The following IL13RA1 variants were observed in gnomAD, a reference collection of about 807,000 sequenced individuals.
The protein encoded by IL13RA1 is interleukin 13 receptor subunit alpha 1.
In IL13RA1, 14 loss-of-function variants were observed where a neutral mutation model predicts 33.8. That is an observed-to-expected ratio of 0.41 (90% confidence interval 0.27 to 0.65). IL13RA1 has a LOEUF of 0.65. IL13RA1 is among the 30% of genes least tolerant of loss of function. IL13RA1 has a pLI of 0.28. For synonymous variants in IL13RA1, 116 were observed against 115.7 expected, an observed-to-expected ratio of 1.00 and a Z score of -0.02; for missense variants, 313 against 327.0, an observed-to-expected ratio of 0.96 and a Z score of 0.33.
At chrX:118,796,451 C>T (rs774422705), downstream of IL13RA1, among the ~76,000 whole-genome samples, 2 of 112,790 alleles carry the variant, frequency 1.8e-5, no homozygotes, top group East Asian at 2.8e-4. Context: ...CATCTTATTT[C>T]GCATTTTGCC....
chrX:118,768,183 G>A (rs771050365), intron 8 of IL13RA1, among the ~76,000 whole-genome samples: 5 of 112,307 alleles, frequency 4.5e-5, no homozygotes, highest in South Asian at 7.5e-4. Flanking sequence ...ACAGGTTGTC[G>A]AGGTAGCCAA....
intron 1 of IL13RA1, among the ~76,000 whole-genome samples, chrX:118,732,842 G>A (rs1156963265): frequency 9.0e-6 from 1 of 111,711 alleles, no homozygotes; most frequent in Non-Finnish European, 1.9e-5. Flanking sequence ...CTTTGCTATT[G>A]TGAGTAGTGC....
chrX:118,754,006 A>G (rs1426242717), intron 4 of IL13RA1, among the ~76,000 whole-genome samples: 2 of 112,601 alleles, frequency 1.8e-5, no homozygotes, highest in African/African-American at 3.2e-5. Flanking sequence ...TTCACAAGTG[A>G]TGAGTGGCTC....
intron 2 of IL13RA1, among the ~76,000 whole-genome samples, chrX:118,746,040 C>CA (rs1326840408): frequency 4.5e-5 from 5 of 111,752 alleles, no homozygotes; most frequent in Non-Finnish European, 9.4e-5. Flanking sequence ...TCAAAATAGT[C>CA]AAACAGTAGA....
At chrX:118,766,157 G>A (rs2017646004) in intron 6 of IL13RA1, among the ~76,000 whole-genome samples, 1 of 111,620 alleles carries the variant, frequency 9.0e-6, no homozygotes, top group African/African-American at 3.3e-5. Context: ...GGTTAATATG[G>A]GAGGTTTTTT....
chrX:118,768,920 T>C (rs986717282), intron 8 of IL13RA1, among the ~76,000 whole-genome samples: 4 of 112,211 alleles, frequency 3.6e-5, no homozygotes, highest in Non-Finnish European at 7.5e-5. Flanking sequence ...TGTAAGCCAT[T>C]CAGTTTGTGG....
intron 2 of IL13RA1, among the ~76,000 whole-genome samples, chrX:118,741,700 T>C (rs1180679366): frequency 8.9e-6 from 1 of 112,134 alleles, no homozygotes; most frequent in Non-Finnish European, 1.9e-5. Context: ...TATAAGTGAA[T>C]TTTTGTTAAT....
chrX:118,800,618 A>G, the IL13RA1 span, among the ~76,000 whole-genome samples: 1 of 110,386 alleles, frequency 9.1e-6, no homozygotes, highest in Non-Finnish European at 1.9e-5. Flanking sequence ...CCGCGGCTTC[A>G]TTCTTGAAGT....
chrX:118,769,637 T>C (rs1224026980), intron 8 of IL13RA1, among the ~76,000 whole-genome samples: 1 of 113,018 alleles, frequency 8.8e-6, no homozygotes, highest in African/African-American at 3.2e-5. Flanking sequence ...ACATATTTAA[T>C]ATAGCATCTT....
intron 10 of IL13RA1, among the ~76,000 whole-genome samples, chrX:118,785,857 A>G (rs904280877): frequency 1.8e-5 from 2 of 112,108 alleles, no homozygotes; most frequent in African/African-American, 6.5e-5. Context: ...AGCATGAGCC[A>G]CTGCGCCCAG....
intron 4 of IL13RA1, among the ~76,000 whole-genome samples, chrX:118,756,168 G>A (rs2147379214): frequency 9.0e-6 from 1 of 110,993 alleles, no homozygotes; most frequent in Admixed American, 9.6e-5. Flanking sequence ...TGAGGTAACA[G>A]GTTAAGGATT....
At chrX:118,782,538 C>T (rs771179630) in intron 10 of IL13RA1, among the ~76,000 whole-genome samples, 87 of 111,159 alleles carry the variant, frequency 7.8e-4, no homozygotes, top group African/African-American at 2.7e-3. Flanking sequence ...GATTAATAGA[C>T]ACCTCATAGT....
chrX:118,787,456 C>T (rs1223664935), intron 10 of IL13RA1, among the ~76,000 whole-genome samples: 1 of 111,311 alleles, frequency 9.0e-6, no homozygotes, highest in African/African-American at 3.3e-5. Flanking sequence ...TAGAATTTCG[C>T]CTGGTTCCTG....
intron 2 of IL13RA1, among the ~76,000 whole-genome samples, chrX:118,741,566 G>A (rs1277962059): frequency 1.8e-5 from 2 of 111,473 alleles, no homozygotes; most frequent in Non-Finnish European, 1.9e-5. Flanking sequence ...ACTATGTGGT[G>A]TAAAAGTAAA....
chrX:118,741,522 C>G (rs1238609179), intron 2 of IL13RA1, among the ~76,000 whole-genome samples: 2 of 111,728 alleles, frequency 1.8e-5, no homozygotes, highest in African/African-American at 6.5e-5. Context: ...CATTTACCAT[C>G]TTGCTAATCA....
intron 4 of IL13RA1, among the ~76,000 whole-genome samples, chrX:118,753,771 C>T (rs762069094): frequency 3.6e-5 from 4 of 112,355 alleles, no homozygotes; most frequent in African/African-American, 6.5e-5. Flanking sequence ...AAGCCCGTCT[C>T]GGCCTCCCAA....
rs758839290 is a variant in IL13RA1, at chrX:118,794,368, G to A, written c.*2514G>A. On this transcript the variant is annotated 3_prime_UTR_variant, in exon 11 of 11. Transcript: ENST00000371666. ...ACCTAAGCAAACCCAGTGTCAGGAT[G>A]GTAATTCTTATTCTTTCGTTCAGTT... The A allele has an allele frequency of 7.1e-5, 8 of 112,201 alleles. No homozygotes were observed. The highest frequency in any genetic ancestry group is 2.6e-4 in the African/African-American group (8 of 30,794). The allele number at this position is 112,201 out of a possible 1,213,427, so 9.2% of individuals were successfully genotyped here.
chrX:118,759,877 A>G (rs1219578010), intron 5 of IL13RA1, among the ~76,000 whole-genome samples: 1 of 111,070 alleles, frequency 9.0e-6, no homozygotes, highest in Non-Finnish European at 1.9e-5. Context: ...GGCTCAAGCT[A>G]TCCTCCCATC....
the IL13RA1 span, among the ~76,000 whole-genome samples, chrX:118,802,544 C>T: frequency 9.0e-6 from 1 of 111,371 alleles, no homozygotes; most frequent in Non-Finnish European, 1.9e-5. Context: ...TGATGCAGGG[C>T]AAGTTTCTTT....
Sources: gnomAD v4.1 joint callset for allele counts (sites outside exome capture counted in the v4.1 genomes callset) on GRCh38, gnomAD v4.1.1 for gene constraint, MANE v1.5 for transcripts, NCBI Gene and HGNC (gene_info 2026-07-23, HGNC 2026-07-21) for gene names.